ZPLD1: variants seen among roughly 807,000 people sequenced by gnomAD.
The protein encoded by ZPLD1 is zona pellucida-like domain-containing protein 1.
Under a neutral mutation model 47.2 loss-of-function variants are expected in ZPLD1, and 34 were observed. The observed-to-expected ratio is 0.72, with a 90% CI of 0.55 to 0.96. The LOEUF (loss-of-function observed/expected upper bound fraction) is 0.96. Among genes scored for constraint, ZPLD1 ranks in the 40% least tolerant of loss-of-function variants. The pLI, the probability that ZPLD1 is intolerant of heterozygous loss-of-function variation, is 0.00. For synonymous variants in ZPLD1, 176 were observed against 186.2 expected (o/e 0.95, Z 0.45); for missense variants, 512 against 505.8 (o/e 1.01, Z -0.12).
rs1244964450 is a variant in ZPLD1 at position 102,457,836 on chromosome 3, A to G, written c.565A>G (p.Asn189Asp). The G allele has an allele frequency of 1.9e-6, 3 of 1,613,918 alleles. No individual in the cohort carries two copies. Among genetic ancestry groups the G allele is most frequent in the Non-Finnish European group, 2.5e-6 (3 of 1,179,928 alleles). The change falls in exon 6 of 12, where the codon AAC becomes GAC. Residue 189 changes from asparagine (N) to aspartate (D), a missense_variant. Asn to Asp is a conservative substitution (Grantham distance 23, BLOSUM62 1). Coordinates refer to ENST00000466937, the MANE Select transcript of ZPLD1 (RefSeq NM_001329788.2). ...CAATGGCACATTTGTCAGCACTTTG[A>G]ACCTGCTCCTTTATAACGTAAGTTG... ...ENNGTFVSTL[N>D]LLLYNDSTYN... is the part of the protein sequence containing the mutation.
chr3:102,442,764 A>G (rs1707201006), intron 3 of ZPLD1, among the ~76,000 whole-genome samples: 1 of 152,204 alleles, frequency 6.6e-6, no homozygotes, highest in Non-Finnish European at 1.5e-5. Flanking sequence ...GTTTCATGAC[A>G]TTAGAACTAT....
At chr3:102,463,380 C>T (rs1431341325) in intron 7 of ZPLD1, among the ~76,000 whole-genome samples, 1 of 152,138 alleles carries the variant, frequency 6.6e-6, no homozygotes, top group African/African-American at 2.4e-5. Context: ...ACAGTAATAT[C>T]TAGAAACAAA....
rs115818497 is a variant in ZPLD1 at position 102,385,720 on chromosome 3, G to T, written c.-213+403G>T. The stretch of plus-strand genomic sequence containing the variant: ...CATGTGCCAAAATCGCCAATGTTAA[G>T]ATTTATTTTGCTGTCTAAACTTATT... On this transcript the variant is annotated intron_variant, in intron 6 of 17. Coordinates refer to the ZPLD1 transcript ENST00000491959. Among the ~76,000 whole-genome samples the T allele has an allele frequency of 5.0e-3, 769 of 152,278 alleles. 7 individuals carry two copies. The highest frequency in any genetic ancestry group is 0.018 in the African/African-American group (733 of 41,562).
intron 7 of ZPLD1, among the ~76,000 whole-genome samples, chr3:102,400,887 A>G (rs1177390047): frequency 1.3e-5 from 2 of 152,078 alleles, no homozygotes; most frequent in South Asian, 2.1e-4. Flanking sequence ...CCTTTGGCCT[A>G]TGATATTCAG....
intron 7 of ZPLD1, among the ~76,000 whole-genome samples, chr3:102,411,880 A>T (rs764903808): frequency 1.3e-5 from 2 of 151,792 alleles, no homozygotes; most frequent in Non-Finnish European, 2.9e-5. Flanking sequence ...CAATGTCTTA[A>T]TGTCTCTCTA....
Position 102,454,913 on chromosome 3 carries a change from G to T in ZPLD1, c.328-1280G>T, listed in dbSNP as rs148914851. ...TGTATGTATTTTATTTTCATAGACA[G>T]AATTGGTTGGTTTAGCTATCAAATA... On this transcript the variant is annotated intron_variant, in intron 4 of 11. Transcript: ENST00000466937. 5.4e-4 allele frequency among the ~76,000 whole-genome samples: 83 copies of T among 152,326 alleles called. No individual in the cohort carries two copies. In the East Asian group the frequency reaches 0.015, roughly 28 times the overall value.
At chr3:102,477,164 A>C in intron 11 of ZPLD1, 123 bp downstream of exon 11, 1 of 1,106,054 alleles carries the variant, frequency 9.0e-7, no homozygotes, top group Non-Finnish European at 1.3e-6. Context: ...ATAACAGTTC[A>C]CTGAGGGTTT....
Position 102,421,513 on chromosome 3 carries a change from T to C in ZPLD1, c.-9+3306T>C, listed in dbSNP as rs183246945. 6.6e-5 allele frequency among the ~76,000 whole-genome samples: 10 copies of C among 152,050 alleles called. No homozygotes were observed. In the East Asian group the frequency reaches 1.9e-3, roughly 29 times the overall value. ...TTTGTGTATTATGTATTTGTGCTCA[T>C]GTATTTGAATTCTGGCAGAGAAATT... On this transcript the variant is annotated intron_variant, in intron 8 of 17. Coordinates refer to the ZPLD1 transcript ENST00000491959.
At chr3:102,474,024 A>G (rs1244371771) in intron 10 of ZPLD1, among the ~76,000 whole-genome samples, 1 of 152,196 alleles carries the variant, frequency 6.6e-6, no homozygotes, top group African/African-American at 2.4e-5. Flanking sequence ...AGAGTTCAGT[A>G]AGTTGTTAAA....
intron 10 of ZPLD1, among the ~76,000 whole-genome samples, chr3:102,476,732 GTA>G (rs1707763250): frequency 6.6e-6 from 1 of 152,058 alleles, no homozygotes; most frequent in Non-Finnish European, 1.5e-5. Context: ...ACAGCACACT[GTA>G]TATTTTTTTC....
Position 102,457,840 on chromosome 3 carries a change from T to C in ZPLD1, c.569T>C (p.Leu190Pro). 1 of 1,613,974 alleles carries C rather than the reference T, an allele frequency of 6.2e-7. No homozygotes were observed. The highest frequency in any genetic ancestry group is 8.5e-7 in the Non-Finnish European group (1 of 1,179,924). ...GGCACATTTGTCAGCACTTTGAACC[T>C]GCTCCTTTATAACGTAAGTTGATGG... Reference protein sequence around the residue: ...NNGTFVSTLNLLLYNDSTYNQ... With the variant: ...NNGTFVSTLNPLLYNDSTYNQ... Residue 190 changes from leucine (L) to proline (P), a missense_variant, in exon 6 of 12, where the codon CTG (leucine) becomes CCG (proline). Leu to Pro is a moderately conservative substitution (Grantham distance 98). Transcript: ENST00000466937.
intron 3 of ZPLD1, among the ~76,000 whole-genome samples, chr3:102,447,215 G>T (rs777603827): frequency 6.6e-6 from 1 of 152,018 alleles, no homozygotes; most frequent in African/African-American, 2.4e-5. Context: ...ACAGACATGC[G>T]TGACCACACC....
intron 10 of ZPLD1, among the ~76,000 whole-genome samples, chr3:102,472,475 T>C (rs1194225995): frequency 6.7e-6 from 1 of 149,356 alleles, no homozygotes; most frequent in South Asian, 2.1e-4. Context: ...GAGGTTGCAG[T>C]GAACCGAGAT....
intron 8 of ZPLD1, among the ~76,000 whole-genome samples, chr3:102,424,716 A>G (rs1302609792): frequency 2.0e-5 from 3 of 152,168 alleles, no homozygotes; most frequent in Non-Finnish European, 4.4e-5. Context: ...ACACCTATAA[A>G]TGCATACAAA....
exon 8 of ZPLD1, chr3:102,418,205 TGG>T (rs1476780047): frequency 6.6e-6 from 1 of 152,542 alleles, no homozygotes; most frequent in African/African-American, 2.4e-5. Context: ...ACCAGGGATT[TGG>T]GTAAGTGCCC....
At chr3:102,469,171 AT>A (rs769036207) in intron 9 of ZPLD1, 36 bp downstream of exon 9, 21 of 1,593,500 alleles carry the variant, frequency 1.3e-5, no homozygotes, top group Admixed American at 3.5e-5. Flanking sequence ...AAGTTGTTGA[AT>A]TGATCTAAGC....
At chr3:102,447,672 A>G (rs965657109) in intron 3 of ZPLD1, among the ~76,000 whole-genome samples, 1 of 152,238 alleles carries the variant, frequency 6.6e-6, no homozygotes, top group Admixed American at 6.5e-5. Flanking sequence ...AAAATGATGC[A>G]GTCTATCAAA....
chr3:102,435,609 C>T (rs571730435), intron 1 of ZPLD1, among the ~76,000 whole-genome samples: 13 of 149,098 alleles, frequency 8.7e-5, no homozygotes, highest in African/African-American at 3.2e-4. Context: ...TGCACTTATA[C>T]TTTGTAAAGT....
intron 6 of ZPLD1, among the ~76,000 whole-genome samples, chr3:102,385,733 G>A (rs935267293): frequency 6.6e-6 from 1 of 152,186 alleles, no homozygotes; most frequent in Non-Finnish European, 1.5e-5. Flanking sequence ...TTATTTTGCT[G>A]TCTAAACTTA....
Sources: gnomAD v4.1 joint callset for allele counts (sites outside exome capture counted in the v4.1 genomes callset) on GRCh38, gnomAD v4.1.1 for gene constraint, MANE v1.5 for transcripts, NCBI Gene and HGNC (gene_info 2026-07-23, HGNC 2026-07-21) for gene names.